Variants in CLINT1 observed in about 807,000 individuals in gnomAD.
CLINT1 encodes the protein clathrin interactor 1.
CLINT1 carries 15 observed loss-of-function variants against 70.4 expected under a neutral mutation model. The ratio of observed to expected loss-of-function variants is 0.21; its 90% CI spans 0.14 to 0.33. The LOEUF (loss-of-function observed/expected upper bound fraction) is 0.33, where lower values mean the gene tolerates loss of function less well. Ranked by LOEUF, CLINT1 falls within the 10% of genes least tolerant of loss-of-function variation. The pLI, the probability that CLINT1 is intolerant of heterozygous loss-of-function variation, is 1.00. For synonymous variants in CLINT1, 227 were observed against 254.7 expected (o/e 0.89, Z 1.04); for missense variants, 615 against 778.1 (o/e 0.79, Z 2.49).
chr5:157,790,447 A>G, intron 10 of CLINT1: 1 of 322,150 alleles, frequency 3.1e-6, no homozygotes, highest in South Asian at 2.6e-5. Context: ...ATAACTGAAA[A>G]GGACAGAAAA....
intron 1 of CLINT1, among the ~76,000 whole-genome samples, chr5:157,843,144 T>C (rs1027388674): frequency 1.3e-5 from 2 of 152,170 alleles, no homozygotes; most frequent in Non-Finnish European, 1.5e-5. Context: ...GTAAAAATTT[T>C]ACTGTTAAAG....
chr5:157,849,553 T>C (rs1032542057), intron 1 of CLINT1, among the ~76,000 whole-genome samples: 2 of 152,240 alleles, frequency 1.3e-5, no homozygotes, highest in African/African-American at 4.8e-5. Context: ...GGTATGCCTG[T>C]ATAACAATTT....
chr5:157,787,449 C>T lies in CLINT1; in HGVS notation c.*197G>A, dbSNP rs566288936. On this transcript the variant is annotated 3_prime_UTR_variant, in exon 12 of 12. Transcript: ENST00000411809. ...ACTGGAAAAAAATGATTTTGACTGC[C>T]TCATCTGAAGTGCTCTTGCCTGGCC... 5.6e-4 allele frequency: 336 copies of T among 598,122 alleles called. No individual in the cohort carries two copies. Among genetic ancestry groups the T allele is most frequent in the Middle Eastern group, 5.3e-3 (12 of 2,258 alleles). 37.1% of individuals were successfully genotyped at this position (598,122 alleles called of 1,614,324 possible). A position where few individuals can be genotyped will look rare whatever the true frequency, so the allele number is the denominator to read the frequency against.
chr5:157,816,869 T>TAA, intron 2 of CLINT1, 39 bp from the exon 3 acceptor site: 2 of 1,428,748 alleles, frequency 1.4e-6, no homozygotes, highest in Middle Eastern at 1.8e-4. Context: ...TGCAATATAT[T>TAA]AATTTTGACA....
chr5:157,852,858 A>G (rs1347285913), intron 1 of CLINT1, among the ~76,000 whole-genome samples: 4 of 152,224 alleles, frequency 2.6e-5, no homozygotes, highest in Non-Finnish European at 5.9e-5. Flanking sequence ...TAATTAAGCT[A>G]AACAAGGAAA....
intron 1 of CLINT1, among the ~76,000 whole-genome samples, chr5:157,858,129 G>T (rs951880199): frequency 5.9e-5 from 9 of 152,124 alleles, no homozygotes; most frequent in Admixed American, 5.9e-4. Context: ...AATCAACTAC[G>T]TACTGGTCGT....
intron 3 of CLINT1, among the ~76,000 whole-genome samples, chr5:157,816,031 A>C (rs916631609): frequency 3.3e-5 from 5 of 152,230 alleles, no homozygotes; most frequent in South Asian, 2.1e-4. Flanking sequence ...AATTTACAGA[A>C]ATTTCAATTA....
rs1482211468 is a variant in CLINT1 at position 157,841,273 on chromosome 5, G to T, written c.41+17657C>A. 1.3e-5 allele frequency among the ~76,000 whole-genome samples: 2 copies of T among 149,862 alleles called. 1 individual carries two copies. The highest frequency in any genetic ancestry group is 4.9e-5 in the African/African-American group (2 of 40,660). On this transcript the variant is annotated intron_variant, in intron 1 of 11. Transcript: ENST00000411809. Reference sequence around the variant, plus strand: ...AGAGCAAGAGCCCGTGTTTAAAAAAGAAAAGAAAAAGGTCAGGCACGGTGG... The same window carrying T: ...AGAGCAAGAGCCCGTGTTTAAAAAATAAAAGAAAAAGGTCAGGCACGGTGG...
chr5:157,804,142 A>AATTT (rs1762315486), intron 7 of CLINT1, among the ~76,000 whole-genome samples: 1 of 152,196 alleles, frequency 6.6e-6, no homozygotes, highest in Admixed American at 6.5e-5. Context: ...TGGCCTGTTA[A>AATTT]AGTCTTACAA....
rs1761707846 is a variant in CLINT1 at position 157,785,861 on chromosome 5, T to G, written c.*1785A>C. The G allele has an allele frequency of 6.6e-6, 1 of 152,204 alleles. No homozygotes were observed. The highest frequency in any genetic ancestry group is 1.5e-5 in the Non-Finnish European group (1 of 68,032). The allele number at this position is 152,204 out of a possible 1,614,324, so 9.4% of individuals were successfully genotyped here. A position where few individuals can be genotyped will look rare whatever the true frequency, so the allele number is the denominator to read the frequency against. On this transcript the variant is annotated 3_prime_UTR_variant, in exon 12 of 12. Transcript: ENST00000411809. Reference sequence around the variant, plus strand: ...CGGTTTTAAATATCAGGGACCATATTCTACTATGCGGCCACCAGAGGCTGG... The same window carrying G: ...CGGTTTTAAATATCAGGGACCATATGCTACTATGCGGCCACCAGAGGCTGG...
At chr5:157,857,450 T>C (rs187402914) in intron 1 of CLINT1, among the ~76,000 whole-genome samples, 21 of 152,284 alleles carry the variant, frequency 1.4e-4, no homozygotes, top group African/African-American at 5.1e-4. Flanking sequence ...TGAGTTGTTA[T>C]AAAGGAAAAT....
At chr5:157,845,854 G>A (rs570121341) in intron 1 of CLINT1, among the ~76,000 whole-genome samples, 1 of 152,164 alleles carries the variant, frequency 6.6e-6, no homozygotes, top group South Asian at 2.1e-4. Context: ...ATGCCCGGCC[G>A]CATTTTAGTA....
rs562511429 is a variant in CLINT1, at chr5:157,799,903, T to C, written c.1012+3747A>G. On this transcript the variant is annotated intron_variant, in intron 8 of 11. Transcript: ENST00000411809. ...GCAACTGTAACACAATAGAAAGTGT[T>C]TGTATATCTAAACATAAGAAAGGTA... 7.3e-4 allele frequency among the ~76,000 whole-genome samples: 111 copies of C among 152,244 alleles called. 1 individual carries two copies. Among genetic ancestry groups the C allele is most frequent in the African/African-American group, 2.6e-3 (106 of 41,564 alleles).
chr5:157,805,917 T>G lies in CLINT1; in HGVS notation c.891A>C (p.Lys297Asn). 1 of 1,614,000 alleles carries G rather than the reference T, an allele frequency of 6.2e-7. No individual in the cohort carries two copies. The highest frequency in any genetic ancestry group is 1.1e-5 in the South Asian group (1 of 91,082). Residue 297 changes from lysine (K) to asparagine (N), a missense_variant, in exon 7 of 12, where the codon AAA becomes AAC. By Grantham distance (94) the Lys-to-Asn change is moderately conservative. Transcript: ENST00000411809. The stretch of plus-strand genomic sequence containing the variant: ...TTGAAGCATTCTGATCTGGACTTGC[T>G]TTGTCCCCTGTGTAATGTGCTGCTG... The part of the protein sequence containing the change: ...LGAAAHYTGD[K>N]ASPDQNASTH...
intron 8 of CLINT1, among the ~76,000 whole-genome samples, chr5:157,799,638 A>T (rs1762157845): frequency 6.6e-6 from 1 of 152,106 alleles, no homozygotes; most frequent in Non-Finnish European, 1.5e-5. Flanking sequence ...AGATAAACTA[A>T]AAAAAGAAAT....
At chr5:157,794,298 A>G (rs528391846) in intron 9 of CLINT1, among the ~76,000 whole-genome samples, 19 of 152,334 alleles carry the variant, frequency 1.2e-4, no homozygotes, top group Non-Finnish European at 1.3e-4. Flanking sequence ...TAATTAAAAA[A>G]AAAATAGGCC....
At chr5:157,843,065 A>C (rs1468309459) in intron 1 of CLINT1, among the ~76,000 whole-genome samples, 1 of 152,166 alleles carries the variant, frequency 6.6e-6, no homozygotes, top group Non-Finnish European at 1.5e-5. Context: ...CAAGGGTTTT[A>C]TTTGTATTTT....
At chr5:157,788,323 G>A (rs1321520629) in intron 11 of CLINT1, among the ~76,000 whole-genome samples, 7 of 151,762 alleles carry the variant, frequency 4.6e-5, no homozygotes, top group Non-Finnish European at 1.0e-4. Flanking sequence ...TCTTTCAAAG[G>A]TTTACATCCT....
At chr5:157,840,192 C>CAAAAAAAAAAAAAAAAAAAA (rs57245921) in intron 1 of CLINT1, among the ~76,000 whole-genome samples, 1 of 55,332 alleles carries the variant, frequency 1.8e-5, no homozygotes, top group Non-Finnish European at 2.9e-5. Flanking sequence ...GAGACTGCCT[C>CAAAAAAAAAAAAAAAAAAAA]AAAAAAAAAA....
Sources: allele counts gnomAD v4.1 joint callset (sites outside exome capture counted in the v4.1 genomes callset), GRCh38; gene constraint gnomAD v4.1.1; transcripts MANE v1.5; gene names NCBI Gene and HGNC (gene_info 2026-07-23, HGNC 2026-07-21).